ALK: variants seen among roughly 807,000 people sequenced by gnomAD.
ALK encodes the protein ALK receptor tyrosine kinase, also known as ALK tyrosine kinase receptor.
A neutral mutation model predicts 163.1 loss-of-function variants in ALK; 74 were observed. The ratio of observed to expected loss-of-function variants is 0.45; its 90% CI spans 0.38 to 0.55. ALK has a LOEUF of 0.55. ALK is among the 20% of genes least tolerant of loss of function. The pLI is 0.00. For synonymous variants in ALK, 960 were observed against 843.2 expected, an observed-to-expected ratio of 1.14 and a Z score of -2.40; for missense variants, 2,063 against 2,105.3, an observed-to-expected ratio of 0.98 and a Z score of 0.39.
In ALK at chr2:29,559,289, C is replaced by G. The variant is rs1256445103; in HGVS notation, c.953-27173G>C. 3.3e-5 allele frequency among the ~76,000 whole-genome samples: 5 copies of G among 152,146 alleles called. No individual in the cohort carries two copies. In the South Asian group the frequency reaches 8.3e-4, roughly 25 times the overall value. ...TGGTTTTGGGGACTCAGAATTACAT[C>G]CAAGTCTGTTTATTAGAAATTTAGA... On this transcript the variant is annotated intron_variant, in intron 3 of 28. Transcript: ENST00000389048.
rs960035894 is a variant in ALK at position 29,410,430 on chromosome 2, T to C, written c.1155-26571A>G. 3.3e-5 allele frequency among the ~76,000 whole-genome samples: 5 copies of C among 152,262 alleles called. No homozygotes were observed. The South Asian group carries it at 6.2e-4, about 19-fold the overall frequency. On this transcript the variant is annotated intron_variant, in intron 4 of 28. Transcript: ENST00000389048. ...TGAACCTATGTACTTTTTACGTATA[T>C]TGATTGATGTGTCATGTCTCCCTAA... is the stretch of plus-strand genomic sequence containing the variant.
At chr2:29,457,622 AAAC>A (rs1350913576) in intron 4 of ALK, among the ~76,000 whole-genome samples, 1 of 152,144 alleles carries the variant, frequency 6.6e-6, no homozygotes, top group Non-Finnish European at 1.5e-5. Context: ...TGGTGCCTTC[AAAC>A]AACACTATGA....
rs140296763 is a variant in ALK at position 29,503,955 on chromosome 2, T to C, written c.1154+27960A>G. ...TTGTGGTTTTTACCATTACTTTCAG[T>C]GGCAAAAACTGCAATTACTTTTGCA... On this transcript the variant is annotated intron_variant, in intron 4 of 28. Coordinates refer to ENST00000389048, the MANE Select transcript of ALK (RefSeq NM_004304.5). Among the ~76,000 whole-genome samples, 279 of 151,948 alleles carry C rather than the reference T, an allele frequency of 1.8e-3. 1 individual carries two copies. Among genetic ancestry groups the C allele is most frequent in the East Asian group, 6.7e-3 (34 of 5,092 alleles).
At chr2:29,772,451 A>C (rs1020633983) in intron 1 of ALK, among the ~76,000 whole-genome samples, 1 of 152,230 alleles carries the variant, frequency 6.6e-6, no homozygotes, top group African/African-American at 2.4e-5. Context: ...AGTGAAGAGA[A>C]ATTAAAGGCA....
chr2:29,767,657 G>A (rs544676727), intron 1 of ALK, among the ~76,000 whole-genome samples: 3 of 152,222 alleles, frequency 2.0e-5, no homozygotes, highest in East Asian at 3.9e-4. Flanking sequence ...AATCTGTTTG[G>A]GACATCAGTC....
chr2:29,912,305 T>A (rs1667727002), intron 1 of ALK, among the ~76,000 whole-genome samples: 1 of 151,924 alleles, frequency 6.6e-6, no homozygotes, highest in African/African-American at 2.4e-5. Flanking sequence ...TACATCATAA[T>A]CAAATTCTGA....
chr2:29,558,003 C>T (rs2148180461), intron 3 of ALK, among the ~76,000 whole-genome samples: 1 of 152,312 alleles, frequency 6.6e-6, no homozygotes, highest in Non-Finnish European at 1.5e-5. Flanking sequence ...CCAGGTCTGG[C>T]CAGTGATGTC....
intron 1 of ALK, among the ~76,000 whole-genome samples, chr2:29,756,613 A>G (rs375341385): frequency 2.0e-5 from 3 of 151,728 alleles, no homozygotes; most frequent in African/African-American, 7.3e-5. Context: ...GCTCACTGCA[A>G]TCTCTGCCTC....
rs565758198 is a variant in ALK, at chr2:29,722,266, T to A, written c.668-4569A>T. Among the ~76,000 whole-genome samples the A allele has an allele frequency of 2.0e-5, 3 of 152,376 alleles. No homozygotes were observed. The South Asian group carries it at 6.2e-4, about 32-fold the overall frequency. The stretch of plus-strand genomic sequence containing the variant: ...TTTTATCCCACTGGTTCTAACCAGC[T>A]GATGATCAATAAATTTCAAGTGAGT... On this transcript the variant is annotated intron_variant, in intron 1 of 28. Transcript: ENST00000389048.
At chr2:29,250,088 C>A (rs762644176) in intron 12 of ALK, among the ~76,000 whole-genome samples, 1 of 152,128 alleles carries the variant, frequency 6.6e-6, no homozygotes, top group African/African-American at 2.4e-5. Flanking sequence ...CCGGAGGCTG[C>A]GGGGAGAGGA....
chr2:29,504,338 A>T (rs10445906), intron 4 of ALK, among the ~76,000 whole-genome samples: 1 of 151,922 alleles, frequency 6.6e-6, no homozygotes, highest in Non-Finnish European at 1.5e-5. Context: ...TCTGAGACCA[A>T]TGGGAAGCCA....
At chr2:29,316,178 T>C (rs960552512) in intron 8 of ALK, among the ~76,000 whole-genome samples, 11 of 152,192 alleles carry the variant, frequency 7.2e-5, no homozygotes, top group Non-Finnish European at 1.5e-5. Context: ...AATCTAGAAA[T>C]GCATATTTCT....
In ALK at chr2:29,633,448, C is replaced by T. The variant is rs564573828; in HGVS notation, c.952+61402G>A. 1.6e-3 allele frequency among the ~76,000 whole-genome samples: 250 copies of T among 151,998 alleles called. 1 individual carries two copies. The highest frequency in any genetic ancestry group is 3.4e-3 in the Middle Eastern group (1 of 294). On this transcript the variant is annotated intron_variant, in intron 3 of 28. Transcript: ENST00000389048. ...AGTGATGAAAAGAAAATTAATAACA[C>T]CAAATGCTTACATTAGAAAAGAATA...
At chr2:29,286,789 G>GT (rs1362119114) in intron 9 of ALK, 1 of 152,168 alleles carries the variant, frequency 6.6e-6, no homozygotes, top group East Asian at 1.9e-4. Flanking sequence ...TCAGCCTTGA[G>GT]TTATGAGGCT....
At chr2:29,881,620 A>G (rs1222257699) in intron 1 of ALK, among the ~76,000 whole-genome samples, 3 of 152,136 alleles carry the variant, frequency 2.0e-5, no homozygotes, top group Non-Finnish European at 4.4e-5. Context: ...CTCTTTACAA[A>G]GTAATGAGGT....
chr2:29,858,766 C>T (rs1323061188), intron 1 of ALK, among the ~76,000 whole-genome samples: 18 of 150,264 alleles, frequency 1.2e-4, no homozygotes, highest in Admixed American at 8.0e-4. Flanking sequence ...AGGTCAGGTG[C>T]TGTGGTTCAT....
intron 1 of ALK, among the ~76,000 whole-genome samples, chr2:29,778,810 A>AC (rs1681251714): frequency 1.3e-5 from 2 of 151,554 alleles, no homozygotes; most frequent in South Asian, 4.2e-4. Context: ...TGCCTGCTGA[A>AC]CCCCCCGTGC....
intron 12 of ALK, among the ~76,000 whole-genome samples, chr2:29,240,742 T>C (rs1664502539): frequency 6.6e-6 from 1 of 152,204 alleles, no homozygotes; most frequent in Non-Finnish European, 1.5e-5. Context: ...AACTCTCTTC[T>C]GAACCATATC....
intron 23 of ALK, 46 bp from the exon 24 acceptor site, chr2:29,214,127 A>G: frequency 6.6e-7 from 1 of 1,520,860 alleles, no homozygotes; most frequent in Non-Finnish European, 9.1e-7. Flanking sequence ...CTTGTCAGTG[A>G]GAGGAGGGAA....
Sources: gnomAD v4.1 joint callset for allele counts (sites outside exome capture counted in the v4.1 genomes callset) on GRCh38, gnomAD v4.1.1 for gene constraint, MANE v1.5 for transcripts, NCBI Gene and HGNC (gene_info 2026-07-23, HGNC 2026-07-21) for gene names.